Variants in CACNA2D4 observed in about 807,000 individuals in gnomAD.
The protein encoded by CACNA2D4 is voltage-dependent calcium channel subunit alpha-2/delta-4.
A neutral mutation model predicts 163.8 loss-of-function variants in CACNA2D4; 157 were observed. The observed-to-expected ratio is 0.96, with a 90% CI of 0.84 to 1.09. CACNA2D4 has a LOEUF of 1.09. Among genes scored for constraint, CACNA2D4 ranks in the 50% least tolerant of loss-of-function variants. The pLI, the probability that CACNA2D4 is intolerant of heterozygous loss-of-function variation, is 0.00. For missense variants in CACNA2D4, 1,410 were observed against 1,479.9 expected (o/e 0.95, Z 0.78); for synonymous variants, 598 against 586.9 (o/e 1.02, Z -0.27).
At position 1,844,679 on chromosome 12, in the gene CACNA2D4, T is replaced by A. The variant is rs964493731; in HGVS notation, c.2343-150A>T. On this transcript the variant is annotated intron_variant, in intron 24 of 37. Coordinates refer to ENST00000382722, the MANE Select transcript of CACNA2D4 (RefSeq NM_172364.5). This position sits in a 1 kb window ranked among gnomAD's most constrained non-coding sequence, Gnocchi z 4.2. ...GCCCCAGACAATGCTTCCCAGCAAT[T>A]CTCGCCTTTTCCAGAAACAAAACGA... The A allele has an allele frequency of 2.7e-5, 21 of 785,558 alleles. No individual in the cohort carries two copies. The highest frequency in any genetic ancestry group is 4.0e-5 in the Non-Finnish European group (20 of 503,706). The allele number at this position is 785,558 out of a possible 1,614,324, so 48.7% of individuals were successfully genotyped here.
intron 18 of CACNA2D4, among the ~76,000 whole-genome samples, chr12:1,865,262 G>A (rs1195734978): frequency 6.6e-6 from 1 of 152,236 alleles, no homozygotes; most frequent in Admixed American, 6.5e-5. Flanking sequence ...TGATGGTCTC[G>A]CTGTTCGTGC....
Position 1,811,660 on chromosome 12 carries a change from A to G in CACNA2D4, c.2613+2T>C. ...CCCGACCTGGCCCGACATCACACCT[A>G]CCTGCCGCGTTGCCGCCCAGAATTT... On this transcript the variant is annotated splice_donor_variant, in intron 27 of 37. Coordinates refer to ENST00000382722, the MANE Select transcript of CACNA2D4 (RefSeq NM_172364.5). LOFTEE classifies it high-confidence loss of function. 1.3e-6 allele frequency: 2 copies of G among 1,559,034 alleles called. 1 individual carries two copies. The highest frequency in any genetic ancestry group is 2.4e-5 in the South Asian group (2 of 84,396).
rs79162614 is a variant in CACNA2D4 at position 1,843,789 on chromosome 12, T to C, written c.2470+613A>G. On this transcript the variant is annotated intron_variant, in intron 25 of 37. Transcript: ENST00000382722. The surrounding 1 kb of genome is among the most constrained non-coding windows in gnomAD (Gnocchi z 4.6). ...GTTGGGTGCCCATCAACTCTGAGAG[T>C]CTTCCTGGTCCCTGGCCGTGCAGGG... 9.8e-4 allele frequency among the ~76,000 whole-genome samples: 149 copies of C among 151,930 alleles called. No homozygotes were observed. Among genetic ancestry groups the C allele is most frequent in the Admixed American group, 2.8e-3 (43 of 15,274 alleles).
rs1336470670 is a variant in CACNA2D4 at position 1,869,600 on chromosome 12, C to G, written c.1878+5004G>C. Among the ~76,000 whole-genome samples, 1 of 152,222 alleles carries G rather than the reference C, an allele frequency of 6.6e-6. No individual in the cohort carries two copies. The highest frequency in any genetic ancestry group is 2.4e-5 in the African/African-American group (1 of 41,454). The stretch of plus-strand genomic sequence containing the variant: ...TTGCTTTCTTCCACATCTCATCCAG[C>G]TTTCCTTCCCAACTGCTGGTCATGC... On this transcript the variant is annotated intron_variant, in intron 18 of 37. Coordinates refer to ENST00000382722, the MANE Select transcript of CACNA2D4 (RefSeq NM_172364.5). The surrounding 1 kb of genome is among the most constrained non-coding windows in gnomAD (Gnocchi z 4.7).
intron 20 of CACNA2D4, 72 bp downstream of exon 20, chr12:1,858,505 G>T: frequency 7.2e-7 from 1 of 1,383,768 alleles, no homozygotes; most frequent in Non-Finnish European, 1.0e-6. Flanking sequence ...GTTGGGGTTG[G>T]CCCTGCCCAG....
At position 1,886,327 on chromosome 12, in the gene CACNA2D4, C is replaced by T; in HGVS notation, c.889G>A (p.Asp297Asn). 1 of 1,613,940 alleles carries T rather than the reference C, an allele frequency of 6.2e-7. No homozygotes were observed. The highest frequency in any genetic ancestry group is 8.5e-7 in the Non-Finnish European group (1 of 1,179,844). ...TSPKDIVILV[D>N]VSGSMKGLRM... Reference sequence around the variant, plus strand: ...AGCCCCTTCATACTGCCGCTCACGTCCACCAAAATCACTATGTCCTTGGGA... The same window carrying T: ...AGCCCCTTCATACTGCCGCTCACGTTCACCAAAATCACTATGTCCTTGGGA... The change falls in exon 8 of 38, where the codon GAC becomes AAC. Residue 297 changes from aspartate to asparagine, a missense_variant. Physicochemically the swap from Asp to Asn is conservative, Grantham distance 23 (BLOSUM62 1). Coordinates refer to ENST00000382722, the MANE Select transcript of CACNA2D4 (RefSeq NM_172364.5).
intron 26 of CACNA2D4, chr12:1,835,010 AGAG>A: frequency 2.3e-6 from 1 of 441,420 alleles, no homozygotes. Flanking sequence ...GGTGTGTGCA[AGAG>A]GAGGCTTCCG....
intron 18 of CACNA2D4, among the ~76,000 whole-genome samples, chr12:1,865,420 GGTCA>G (rs1398528052): frequency 6.6e-6 from 1 of 152,222 alleles, no homozygotes. Flanking sequence ...TGAAATGGAA[GGTCA>G]GTGTCTGTCT....
In CACNA2D4 at chr12:1,844,597, C is replaced by T; in HGVS notation, c.2343-68G>A. 3 of 1,535,762 alleles carry T rather than the reference C, an allele frequency of 2.0e-6. No homozygotes were observed. Among genetic ancestry groups the T allele is most frequent in the Non-Finnish European group, 2.7e-6 (3 of 1,125,200 alleles). On this transcript the variant is annotated intron_variant, in intron 24 of 37. Transcript: ENST00000382722. This position sits in a 1 kb window ranked among gnomAD's most constrained non-coding sequence, Gnocchi z 4.2. ...CACAGTCATCACTCTTTCCTTTTCT[C>T]ACACAAGGTCAACTTGGCTGGGCTA...
At chr12:1,826,411 C>CCCCGT (rs1555177868) in intron 26 of CACNA2D4, among the ~76,000 whole-genome samples, 7 of 102,628 alleles carry the variant, frequency 6.8e-5, no homozygotes, top group African/African-American at 2.6e-4. Context: ...CCCCCCCCCC[C>CCCCGT]CCCCCGCCAA....
At chr12:1,892,276 G>C (rs149666381) in intron 6 of CACNA2D4, among the ~76,000 whole-genome samples, 3 of 152,164 alleles carry the variant, frequency 2.0e-5, no homozygotes, top group African/African-American at 7.2e-5. Context: ...TATTGGAAAA[G>C]GAAAAAAACT....
intron 29 of CACNA2D4, among the ~76,000 whole-genome samples, chr12:1,807,412 G>T (rs1235879368): frequency 6.6e-6 from 1 of 151,454 alleles, no homozygotes; most frequent in Non-Finnish European, 1.5e-5. Context: ...CACAGAAACT[G>T]CCAGATTTTA....
chr12:1,886,033 C>T lies in CACNA2D4; in HGVS notation c.1000G>A (p.Asp334Asn), dbSNP rs1392461068. ...CAAGGCTCGATGTAATGGACGTAGT[C>T]ATTGTACTGCAGTTGCAGTGAGTTG... ...NDFINIIAYN[D>N]YVHYIEPCFK... is the part of the protein sequence containing the mutation. The change falls in exon 9 of 38, where the codon GAC becomes AAC. Residue 334 changes from aspartate (D) to asparagine (N), a missense_variant. Physicochemically the swap from Asp to Asn is conservative, Grantham distance 23. Transcript: ENST00000382722. 4 of 1,612,912 alleles carry T rather than the reference C, an allele frequency of 2.5e-6. No homozygotes were observed. Among genetic ancestry groups the T allele is most frequent in the African/African-American group, 2.7e-5 (2 of 74,864 alleles).
chr12:1,871,572 C>T (rs986841311), intron 18 of CACNA2D4, among the ~76,000 whole-genome samples: 11 of 147,012 alleles, frequency 7.5e-5, no homozygotes, highest in South Asian at 2.2e-4. Flanking sequence ...GGTGTGTGTA[C>T]GTGTGTGTTG....
rs1343637217 is a variant in CACNA2D4, at chr12:1,907,993, C to G, written c.531G>C (p.Lys177Asn). 2 of 1,613,910 alleles carry G rather than the reference C, an allele frequency of 1.2e-6. No homozygotes were observed. Among genetic ancestry groups the G allele is most frequent in the Non-Finnish European group, 1.7e-6 (2 of 1,179,892 alleles). ...CGGCGCCCAGCTCCACGAAGTTGCC[C>G]TTCTCGTCCCTCTCGTTGATCAGGA... Reference protein sequence around the residue: ...NSVLINERDEKGNFVELGAEF... With the variant: ...NSVLINERDENGNFVELGAEF... Residue 177 changes from lysine to asparagine, a missense_variant, in exon 5 of 38, where the codon AAG (lysine) becomes AAC (asparagine). Coordinates refer to ENST00000382722, the MANE Select transcript of CACNA2D4 (RefSeq NM_172364.5).
chr12:1,848,775 A>ATTATTATTT (rs1825280098), intron 23 of CACNA2D4, among the ~76,000 whole-genome samples: 1 of 150,112 alleles, frequency 6.7e-6, no homozygotes, highest in Non-Finnish European at 1.5e-5. Flanking sequence ...TATTATTATT[A>ATTATTATTT]TTATTATTTT....
At chr12:1,816,332 A>G (rs1357988901) in intron 26 of CACNA2D4, among the ~76,000 whole-genome samples, 3 of 152,308 alleles carry the variant, frequency 2.0e-5, no homozygotes, top group African/African-American at 4.8e-5. Flanking sequence ...TTATCAGGAA[A>G]GCTTCCCTCA....
rs190876361 is a variant in CACNA2D4 at position 1,812,573 on chromosome 12, C to T, written c.2552-850G>A. 2.8e-3 allele frequency among the ~76,000 whole-genome samples: 424 copies of T among 152,366 alleles called. 3 individuals are homozygous for T. Among genetic ancestry groups the T allele is most frequent in the African/African-American group, 9.8e-3 (407 of 41,586 alleles). On this transcript the variant is annotated intron_variant, in intron 26 of 37. Coordinates refer to ENST00000382722, the MANE Select transcript of CACNA2D4 (RefSeq NM_172364.5). ...ATAATAATATCAAAACTGCGCTGGG[C>T]GCTTAGAACGTGTCCAGCACCTCAC...
chr12:1,839,659 G>A (rs1350585307), intron 26 of CACNA2D4, among the ~76,000 whole-genome samples: 1 of 152,232 alleles, frequency 6.6e-6, no homozygotes, highest in Non-Finnish European at 1.5e-5. Context: ...GGACCACATG[G>A]GAGGCAGTCC....
Sources: allele counts gnomAD v4.1 joint callset (sites outside exome capture counted in the v4.1 genomes callset), GRCh38; gene constraint gnomAD v4.1.1; non-coding constraint Gnocchi (gnomAD v3.1); transcripts MANE v1.5; gene names NCBI Gene and HGNC (gene_info 2026-07-23, HGNC 2026-07-21).